The following TNFSF4 variants were observed in gnomAD, a reference collection of about 807,000 sequenced individuals.
TNFSF4 encodes TNF superfamily member 4.
Under a neutral mutation model 7.3 loss-of-function variants are expected in TNFSF4, and 4 were observed. The ratio of observed to expected loss-of-function variants is 0.55; its 90% CI spans 0.27 to 1.25. The LOEUF is 1.25. TNFSF4 is among the 50% of genes most tolerant of loss of function. The pLI is 0.12. For synonymous variants in TNFSF4, 76 were observed against 83.7 expected, an observed-to-expected ratio of 0.91 and a Z score of 0.50; for missense variants, 181 against 208.8, an observed-to-expected ratio of 0.87 and a Z score of 0.82.
the TNFSF4 span, among the ~76,000 whole-genome samples, chr1:173,251,057 G>A: frequency 1.3e-5 from 2 of 152,186 alleles, no homozygotes; most frequent in Admixed American, 6.5e-5. Context: ...AACTGGGGAT[G>A]GGGCTAAGCA....
At chr1:173,299,261 C>A in the TNFSF4 span, among the ~76,000 whole-genome samples, 1 of 151,890 alleles carries the variant, frequency 6.6e-6, no homozygotes, top group Non-Finnish European at 1.5e-5. Context: ...CTCTCAACTG[C>A]ATCATTCTCT....
the TNFSF4 span, among the ~76,000 whole-genome samples, chr1:173,407,767 T>A: frequency 6.0e-5 from 9 of 151,248 alleles, no homozygotes; most frequent in African/African-American, 1.9e-4. Flanking sequence ...AGCAGAGACA[T>A]CCCAATAGCA....
downstream of TNFSF4, among the ~76,000 whole-genome samples, chr1:173,182,482 A>T (rs1649072640): frequency 6.6e-6 from 1 of 152,272 alleles, no homozygotes; most frequent in South Asian, 2.1e-4. Context: ...AAGCCCCACC[A>T]CTTAGTAGCT....
the TNFSF4 span, among the ~76,000 whole-genome samples, chr1:173,345,737 G>T: frequency 6.6e-6 from 1 of 152,226 alleles, no homozygotes; most frequent in African/African-American, 2.4e-5. Flanking sequence ...AGGACTTGGA[G>T]AAGCATAACT....
At chr1:173,193,053 A>G (rs999155155) in intron 1 of TNFSF4, among the ~76,000 whole-genome samples, 6 of 152,222 alleles carry the variant, frequency 3.9e-5, no homozygotes, top group Admixed American at 1.3e-4. Context: ...AGAAAAAAAC[A>G]AAGACTAACA....
chr1:173,258,292 A>G, the TNFSF4 span, among the ~76,000 whole-genome samples: 1 of 152,020 alleles, frequency 6.6e-6, no homozygotes, highest in Non-Finnish European at 1.5e-5. Context: ...AGGTTCTCTC[A>G]TTGGGACTAA....
At chr1:173,345,254 G>A in the TNFSF4 span, among the ~76,000 whole-genome samples, 1 of 152,150 alleles carries the variant, frequency 6.6e-6, no homozygotes. Context: ...ACCTCACACA[G>A]GACAGACGAA....
the TNFSF4 span, among the ~76,000 whole-genome samples, chr1:173,401,016 G>A: frequency 2.8e-5 from 4 of 144,480 alleles, no homozygotes; most frequent in Non-Finnish European, 4.5e-5. Flanking sequence ...ACAATTGTGT[G>A]TGTGCATATA....
At chr1:173,364,375 GTATGTGTATATATA>G in the TNFSF4 span, among the ~76,000 whole-genome samples, 1 of 128,360 alleles carries the variant, frequency 7.8e-6, no homozygotes, top group Non-Finnish European at 1.6e-5. Flanking sequence ...ATATTGGGGT[GTATGTGTATATATA>G]TATATATATA....
the TNFSF4 span, among the ~76,000 whole-genome samples, chr1:173,400,626 C>G: frequency 6.6e-6 from 1 of 152,184 alleles, no homozygotes; most frequent in African/African-American, 2.4e-5. Flanking sequence ...AAAGGAGTTC[C>G]TTTGCTGACT....
chr1:173,228,530 CT>C, the TNFSF4 span, among the ~76,000 whole-genome samples: 1 of 152,174 alleles, frequency 6.6e-6, no homozygotes, highest in Admixed American at 6.5e-5. Context: ...CCTCTCCCCC[CT>C]CCAAAGGAAC....
chr1:173,207,136 G>T lies in TNFSF4; in HGVS notation c.41C>A (p.Ala14Glu), dbSNP rs772388694. 3.1e-6 allele frequency: 5 copies of T among 1,613,722 alleles called. No individual in the cohort carries two copies. The highest frequency in any genetic ancestry group is 4.2e-6 in the Non-Finnish European group (5 of 1,179,788). The change falls in exon 1 of 3, where the codon GCA (alanine) becomes GAA (glutamate). Residue 14 changes from alanine to glutamate, a missense_variant. Ala to Glu is a moderately radical substitution (Grantham distance 107). Coordinates refer to ENST00000281834, the MANE Select transcript of TNFSF4 (RefSeq NM_003326.5). ...VQPLEENVGN[A>E]ARPRFERNKL... ...GTTCCTCTCGAATCTTGGCCTGGCT[G>T]CATTTCCCACATTCTCTTCCAGGGG... is the stretch of plus-strand genomic sequence containing the variant.
chr1:173,174,792 G>A, the TNFSF4 span, among the ~76,000 whole-genome samples: 1 of 152,148 alleles, frequency 6.6e-6, no homozygotes, highest in African/African-American at 2.4e-5. Context: ...GTTTTCTGTG[G>A]GGGAATGAAA....
the TNFSF4 span, among the ~76,000 whole-genome samples, chr1:173,423,024 A>C: frequency 6.6e-5 from 10 of 151,802 alleles, no homozygotes; most frequent in Non-Finnish European, 1.0e-4. Flanking sequence ...ACTGGAGTGC[A>C]GCGGTGAGAT....
the TNFSF4 span, among the ~76,000 whole-genome samples, chr1:173,327,889 C>T: frequency 1.3e-5 from 2 of 151,996 alleles, no homozygotes; most frequent in African/African-American, 4.8e-5. Context: ...AATAGGAACA[C>T]TTTCACATTG....
chr1:173,382,640 C>T, the TNFSF4 span, among the ~76,000 whole-genome samples: 1 of 152,126 alleles, frequency 6.6e-6, no homozygotes, highest in African/African-American at 2.4e-5. Flanking sequence ...AGGACTAGGA[C>T]GTTTAACCTA....
chr1:173,364,270 A>G, the TNFSF4 span, among the ~76,000 whole-genome samples: 3 of 148,416 alleles, frequency 2.0e-5, no homozygotes, highest in African/African-American at 7.4e-5. Context: ...GGTTCATAAC[A>G]TATTGTTCAA....
At chr1:173,201,055 G>A (rs1367936193) in intron 1 of TNFSF4, among the ~76,000 whole-genome samples, 2 of 152,170 alleles carry the variant, frequency 1.3e-5, no homozygotes, top group African/African-American at 2.4e-5. Flanking sequence ...CAGATGATAT[G>A]CCTCTTATAA....
chr1:173,352,117 G>T, the TNFSF4 span: 11 of 250,768 alleles, frequency 4.4e-5, no homozygotes, highest in South Asian at 9.4e-4. Flanking sequence ...CATTGCTACA[G>T]CTGCTCACTT....
Sources: allele counts gnomAD v4.1 joint callset (sites outside exome capture counted in the v4.1 genomes callset), GRCh38; gene constraint gnomAD v4.1.1; transcripts MANE v1.5; gene names NCBI Gene and HGNC (gene_info 2026-07-23, HGNC 2026-07-21).